Variants in PPP2R5C observed in about 807,000 individuals in gnomAD.
PPP2R5C encodes serine/threonine-protein phosphatase 2A 56 kDa regulatory subunit gamma isoform.
In PPP2R5C, 7 loss-of-function variants were observed where a neutral mutation model predicts 68.9. The observed-to-expected ratio is 0.10, with a 90% confidence interval of 0.06 to 0.19. PPP2R5C has a LOEUF of 0.19. Among genes scored for constraint, PPP2R5C ranks in the 10% least tolerant of loss-of-function variants. PPP2R5C has a pLI of 1.00. For synonymous variants in PPP2R5C, 210 were observed against 222.2 expected (o/e 0.95, Z 0.49); for missense variants, 348 against 641.3 (o/e 0.54, Z 4.94).
chr14:101,815,037 G>A (rs944595443), intron 1 of PPP2R5C, among the ~76,000 whole-genome samples: 32 of 152,302 alleles, frequency 2.1e-4, no homozygotes, highest in African/African-American at 7.5e-4. Context: ...AGCAGCATAC[G>A]TTGAGTGCCT....
intron 2 of PPP2R5C, among the ~76,000 whole-genome samples, chr14:101,860,825 A>T (rs1243000509): frequency 6.6e-6 from 1 of 152,220 alleles, no homozygotes; most frequent in Non-Finnish European, 1.5e-5. Flanking sequence ...CATAGACTTC[A>T]GACCTAGAAA....
chr14:101,839,335 G>A, intron 1 of PPP2R5C: 1 of 151,080 alleles, frequency 6.6e-6, no homozygotes, highest in South Asian at 2.1e-4. Flanking sequence ...AGGCAACGGA[G>A]CAAGACTCTG....
At chr14:101,832,359 ATG>A (rs1229389689) in intron 1 of PPP2R5C, among the ~76,000 whole-genome samples, 1 of 152,248 alleles carries the variant, frequency 6.6e-6, no homozygotes, top group East Asian at 1.9e-4. Flanking sequence ...ATATTGATGA[ATG>A]TGAAAATATA....
intron 2 of PPP2R5C, among the ~76,000 whole-genome samples, chr14:101,770,667 C>T (rs578100395): frequency 1.3e-5 from 2 of 152,256 alleles, no homozygotes; most frequent in East Asian, 1.9e-4. Context: ...AGCTTCGCTA[C>T]GGTATATGCA....
intron 3 of PPP2R5C, 130 bp downstream of exon 3, chr14:101,786,313 GTTTT>G: frequency 3.6e-6 from 2 of 549,482 alleles, no homozygotes; most frequent in Non-Finnish European, 2.8e-6. Flanking sequence ...GTATTGAGGG[GTTTT>G]TTTTTTTTTA....
intron 1 of PPP2R5C, among the ~76,000 whole-genome samples, chr14:101,855,102 A>G (rs2448245): frequency 0.28 from 43,097 of 152,134 alleles, 6,451 homozygotes; most frequent in African/African-American, 0.37. Context: ...CCCAGGAGGC[A>G]GAGGTTGCAG....
At chr14:101,789,961 C>G (rs1284691181) in intron 3 of PPP2R5C, 3 of 151,476 alleles carry the variant, frequency 2.0e-5, no homozygotes, top group Non-Finnish European at 4.4e-5. Context: ...GTTTAATGCA[C>G]CTTTTAATCT....
rs914194793 is a variant in PPP2R5C at position 101,913,643 on chromosome 14, T to C, written c.1326+1170T>C. ...GCTATAGGCGTCTCCTTTTAACGAA[T>C]TGAATTTATGTTGAAAGTGTGGTTA... On this transcript the variant is annotated intron_variant, in intron 12 of 13. Transcript: ENST00000334743. This position sits in a 1 kb window ranked among gnomAD's most constrained non-coding sequence, Gnocchi z 4.1. Among the ~76,000 whole-genome samples the C allele has an allele frequency of 1.3e-5, 2 of 152,212 alleles. No individual in the cohort carries two copies. Among genetic ancestry groups the C allele is most frequent in the African/African-American group, 4.8e-5 (2 of 41,452 alleles).
At chr14:101,907,205 A>G (rs1464082369) in intron 10 of PPP2R5C, among the ~76,000 whole-genome samples, 1 of 151,964 alleles carries the variant, frequency 6.6e-6, no homozygotes, top group East Asian at 1.9e-4. Flanking sequence ...GGGTCTTGCT[A>G]TGTCCCCCCG....
At chr14:101,798,628 T>A (rs150179400) in intron 3 of PPP2R5C, among the ~76,000 whole-genome samples, 41 of 152,366 alleles carry the variant, frequency 2.7e-4, no homozygotes, top group Non-Finnish European at 4.6e-4. Context: ...TTCATTATTG[T>A]CTAGTACATA....
chr14:101,880,904 G>A (rs1367850206), intron 2 of PPP2R5C, among the ~76,000 whole-genome samples: 1 of 152,180 alleles, frequency 6.6e-6, no homozygotes, highest in Non-Finnish European at 1.5e-5. Context: ...GGACTCTCTA[G>A]AAACATCTTC....
intron 2 of PPP2R5C, among the ~76,000 whole-genome samples, chr14:101,860,165 C>A (rs949704975): frequency 3.3e-5 from 5 of 152,262 alleles, no homozygotes; most frequent in South Asian, 4.1e-4. Context: ...AAAAAGAAAT[C>A]CTGTACTCAT....
chr14:101,892,199 C>G (rs894414267), intron 6 of PPP2R5C, among the ~76,000 whole-genome samples: 1 of 152,148 alleles, frequency 6.6e-6, no homozygotes, highest in African/African-American at 2.4e-5. Context: ...TCAGGTGATC[C>G]ACCCACCTCA....
chr14:101,910,478 CT>C (rs1286509106), intron 11 of PPP2R5C, among the ~76,000 whole-genome samples: 2 of 152,008 alleles, frequency 1.3e-5, no homozygotes, highest in Admixed American at 6.6e-5. Flanking sequence ...GAATATTTAC[CT>C]TATACACCAG....
rs899707666 is a variant in PPP2R5C, at chr14:101,916,614, G to C, written c.1327-1217G>C. On this transcript the variant is annotated intron_variant, in intron 12 of 13. Transcript: ENST00000334743. The surrounding 1 kb of genome is among the most constrained non-coding windows in gnomAD (Gnocchi z 5.5). ...GCCAGAGGGCACCCATAGGCCTCAT[G>C]CCAGAGGTGGCTCCGTCAGAGGATG... 6.6e-6 allele frequency among the ~76,000 whole-genome samples: 1 copy of C among 151,542 alleles called. No individual in the cohort carries two copies. The highest frequency in any genetic ancestry group is 1.5e-5 in the Non-Finnish European group (1 of 67,856).
At chr14:101,810,890 A>C (rs1192988801) in intron 1 of PPP2R5C, among the ~76,000 whole-genome samples, 1 of 152,200 alleles carries the variant, frequency 6.6e-6, no homozygotes, top group African/African-American at 2.4e-5. Context: ...AAGATATATG[A>C]ATTTTTTTTT....
chr14:101,779,332 A>C (rs1349093800), intron 2 of PPP2R5C, among the ~76,000 whole-genome samples: 1 of 152,166 alleles, frequency 6.6e-6, no homozygotes, highest in African/African-American at 2.4e-5. Context: ...ATGGGATTCC[A>C]AGCCTGATGG....
chr14:101,856,818 T>C, exon 2 of PPP2R5C: 1 of 1,614,180 alleles, frequency 6.2e-7, no homozygotes. Flanking sequence ...TTAAGTGAAA[T>C]GGTAGAATAT....
chr14:101,862,079 A>AT (rs1278020497), intron 2 of PPP2R5C, among the ~76,000 whole-genome samples: 2 of 152,044 alleles, frequency 1.3e-5, no homozygotes, highest in Non-Finnish European at 2.9e-5. Flanking sequence ...TACCCAGCTG[A>AT]TTTTTTAAAT....
Sources: gnomAD v4.1 joint callset for allele counts (sites outside exome capture counted in the v4.1 genomes callset) on GRCh38, gnomAD v4.1.1 for gene constraint, Gnocchi (gnomAD v3.1) non-coding constraint, MANE v1.5 for transcripts, NCBI Gene and HGNC (gene_info 2026-07-23, HGNC 2026-07-21) for gene names.